The following ETV6 variants were observed in gnomAD, a reference collection of about 807,000 sequenced individuals.
ETV6 encodes the protein transcription factor ETV6.
ETV6 carries 16 observed loss-of-function variants against 51.1 expected under a neutral mutation model. The observed-to-expected ratio is 0.31, with a 90% confidence interval of 0.21 to 0.48. ETV6 has a LOEUF of 0.48. ETV6 is among the 20% of genes least tolerant of loss of function. ETV6 has a pLI of 0.99. For synonymous variants in ETV6, 240 were observed against 224.1 expected (o/e 1.07, Z -0.64); for missense variants, 458 against 594.8 (o/e 0.77, Z 2.39).
chr12:11,679,747 A>G (rs1291926794), intron 1 of ETV6, among the ~76,000 whole-genome samples: 1 of 152,232 alleles, frequency 6.6e-6, no homozygotes, highest in African/African-American at 2.4e-5. Context: ...TGTCTTTCAT[A>G]GACCATGTAT....
At chr12:11,807,934 T>A (rs539007872) in intron 2 of ETV6, among the ~76,000 whole-genome samples, 1 of 152,342 alleles carries the variant, frequency 6.6e-6, no homozygotes, top group Non-Finnish European at 1.5e-5. Context: ...TAGCATAGTC[T>A]TCTAAAGTAG....
chr12:11,885,163 G>A (rs576984921), intron 6 of ETV6, among the ~76,000 whole-genome samples: 44 of 152,316 alleles, frequency 2.9e-4, no homozygotes, highest in African/African-American at 9.4e-4. Context: ...TGTAAAAAGC[G>A]GGTAACCGTG....
In ETV6 at chr12:11,675,322, C is replaced by T. The variant is rs534901346; in HGVS notation, c.33+25162C>T. On this transcript the variant is annotated intron_variant, in intron 1 of 7. Transcript: ENST00000396373. ...AAATAAAGCAAATAAACAAAAAGCC[C>T]CTGGAAATCCTATAGTTATCCTAAT... 5.9e-4 allele frequency among the ~76,000 whole-genome samples: 90 copies of T among 152,262 alleles called. 1 individual carries two copies. The highest frequency in any genetic ancestry group is 3.4e-3 in the Middle Eastern group (1 of 294).
chr12:11,821,704 T>C (rs1019264221), intron 2 of ETV6, among the ~76,000 whole-genome samples: 1 of 152,082 alleles, frequency 6.6e-6, no homozygotes, highest in Non-Finnish European at 1.5e-5. Flanking sequence ...TAGCCGGGTA[T>C]GGTGGCTCAC....
intron 1 of ETV6, among the ~76,000 whole-genome samples, chr12:11,668,515 C>A (rs776205257): frequency 2.0e-5 from 3 of 152,064 alleles, no homozygotes; most frequent in African/African-American, 2.4e-5. Context: ...AGAGGAACAG[C>A]CTTTCAACTA....
intron 2 of ETV6, among the ~76,000 whole-genome samples, chr12:11,753,033 C>T (rs952180619): frequency 2.0e-5 from 3 of 152,072 alleles, no homozygotes; most frequent in African/African-American, 4.8e-5. Context: ...CCAGGGCCCT[C>T]CCTCCCCTCC....
chr12:11,784,708 G>GT (rs956496427), intron 2 of ETV6, among the ~76,000 whole-genome samples: 19 of 151,926 alleles, frequency 1.3e-4, no homozygotes, highest in South Asian at 6.2e-4. Flanking sequence ...AAGATACTGT[G>GT]TTTTTTGTCA....
chr12:11,716,363 T>TAC (rs2120907061), intron 1 of ETV6, among the ~76,000 whole-genome samples: 2 of 127,858 alleles, frequency 1.6e-5, no homozygotes, highest in East Asian at 2.6e-4. Context: ...AAAAAAAAGA[T>TAC]CATTCGGAAC....
chr12:11,699,665 G>A (rs1443068765), intron 1 of ETV6, among the ~76,000 whole-genome samples: 1 of 152,164 alleles, frequency 6.6e-6, no homozygotes, highest in Non-Finnish European at 1.5e-5. Context: ...GTGATAGAAT[G>A]GAGCAGCTGT....
chr12:11,889,682 C>G (rs1000313034), intron 7 of ETV6, among the ~76,000 whole-genome samples: 2 of 152,146 alleles, frequency 1.3e-5, no homozygotes, highest in African/African-American at 2.4e-5. Context: ...GCCAAGACCG[C>G]TAGACTGCAT....
At chr12:11,848,487 C>G (rs746272458) in intron 3 of ETV6, among the ~76,000 whole-genome samples, 1 of 152,254 alleles carries the variant, frequency 6.6e-6, no homozygotes, top group Non-Finnish European at 1.5e-5. Flanking sequence ...ATTGTTCACT[C>G]GCTCTCTCCT....
At chr12:11,772,848 A>G (rs531029292) in intron 2 of ETV6, among the ~76,000 whole-genome samples, 33 of 152,272 alleles carry the variant, frequency 2.2e-4, no homozygotes, top group African/African-American at 5.8e-4. Flanking sequence ...TGCTCATACC[A>G]TAAAGCTGTT....
At chr12:11,856,927 G>A (rs1946641072) in intron 4 of ETV6, among the ~76,000 whole-genome samples, 1 of 152,200 alleles carries the variant, frequency 6.6e-6, no homozygotes, top group Non-Finnish European at 1.5e-5. Context: ...AACCCAAGAT[G>A]ACACATGTTG....
rs1947310309 is a variant in ETV6 at position 11,892,499 on chromosome 12, T to A, written c.*1453T>A. The A allele has an allele frequency of 4.3e-6, 1 of 232,694 alleles. No individual in the cohort carries two copies. Among genetic ancestry groups the A allele is most frequent in the East Asian group, 6.0e-5 (1 of 16,588 alleles). The allele number at this position is 232,694 out of a possible 1,614,324, so 14.4% of individuals were successfully genotyped here. On this transcript the variant is annotated 3_prime_UTR_variant, in exon 8 of 8. Coordinates refer to ENST00000396373, the MANE Select transcript of ETV6 (RefSeq NM_001987.5). ...CTTCTTAGTATTTTTGAAAGCTGTTTTAGATTTTTTTTTTTTTTCCTTTTC... is the reference window on the plus strand; with the variant it reads ...CTTCTTAGTATTTTTGAAAGCTGTTATAGATTTTTTTTTTTTTTCCTTTTC...
At chr12:11,890,870 G>C (rs544389212) in intron 7 of ETV6, 71 bp from the exon 8 acceptor site, 3 of 1,145,500 alleles carry the variant, frequency 2.6e-6, no homozygotes, top group Non-Finnish European at 4.0e-6. Context: ...TTTATATACA[G>C]GCTAGAGTTC....
At chr12:11,848,538 G>A (rs1274912897) in intron 3 of ETV6, among the ~76,000 whole-genome samples, 2 of 152,210 alleles carry the variant, frequency 1.3e-5, no homozygotes, top group African/African-American at 4.8e-5. Flanking sequence ...TGGAATTTAG[G>A]ATTCTCAAAG....
intron 4 of ETV6, among the ~76,000 whole-genome samples, chr12:11,854,832 C>T (rs1181031293): frequency 6.6e-6 from 1 of 152,138 alleles, no homozygotes; most frequent in Non-Finnish European, 1.5e-5. Flanking sequence ...CCAGGGCTTT[C>T]TGCATAGGGC....
intron 5 of ETV6, among the ~76,000 whole-genome samples, chr12:11,878,832 A>C (rs1413592756): frequency 6.7e-6 from 1 of 148,596 alleles, no homozygotes; most frequent in African/African-American, 2.5e-5. Context: ...GGAGGGGAAA[A>C]AAAAAAAAAA....
At chr12:11,799,729 T>G (rs528739379) in intron 2 of ETV6, among the ~76,000 whole-genome samples, 1 of 152,344 alleles carries the variant, frequency 6.6e-6, no homozygotes, top group Non-Finnish European at 1.5e-5. Flanking sequence ...GCACGTCTAC[T>G]TTGCATTCAA....
Sources: gnomAD v4.1 joint callset for allele counts (sites outside exome capture counted in the v4.1 genomes callset) on GRCh38, gnomAD v4.1.1 for gene constraint, MANE v1.5 for transcripts, NCBI Gene and HGNC (gene_info 2026-07-23, HGNC 2026-07-21) for gene names.